Variants in TRMT2B observed in about 807,000 individuals in gnomAD.
The protein encoded by TRMT2B is tRNA methyltransferase 2B, also known as tRNA (uracil-5-)-methyltransferase homolog B.
A neutral mutation model predicts 39.7 loss-of-function variants in TRMT2B; 34 were observed. The observed-to-expected ratio is 0.86, with a 90% confidence interval of 0.65 to 1.14. The LOEUF is 1.14. Ranked by LOEUF, TRMT2B falls within the 50% of genes most tolerant of loss-of-function variation. The probability of loss-of-function intolerance (pLI) is 0.00; values close to 1 mark genes in which losing one functional copy is unlikely to be tolerated. For missense variants in TRMT2B, 318 were observed against 377.2 expected (o/e 0.84, Z 1.30); for synonymous variants, 132 against 137.3 (o/e 0.96, Z 0.27).
At chrX:100,994,266 G>A in the TRMT2B span, among the ~76,000 whole-genome samples, 16 of 111,904 alleles carry the variant, frequency 1.4e-4, no homozygotes, top group African/African-American at 4.2e-4. Context: ...TCTTGAGCCT[G>A]GAGGGCAAAT....
chrX:100,992,575 G>A, the TRMT2B span, among the ~76,000 whole-genome samples: 1 of 109,956 alleles, frequency 9.1e-6, no homozygotes, highest in Non-Finnish European at 1.9e-5. Flanking sequence ...AGTAAGATTC[G>A]GTCTCAAAAA....
the TRMT2B span, among the ~76,000 whole-genome samples, chrX:101,001,544 G>A: frequency 3.6e-5 from 4 of 110,183 alleles, no homozygotes; most frequent in Admixed American, 2.0e-4. Flanking sequence ...CCCGGATCTT[G>A]GTTTCTAAAC....
chrX:101,041,897 G>T, intron 3 of TRMT2B, 145 bp downstream of exon 3: 1 of 635,884 alleles, frequency 1.6e-6, no homozygotes, highest in Non-Finnish European at 2.4e-6. Flanking sequence ...TTCTTCAGAC[G>T]TCCTCAAATT....
At chrX:101,023,329 C>G in intron 8 of TRMT2B, 141 bp downstream of exon 8, 1 of 605,315 alleles carries the variant, frequency 1.7e-6, no homozygotes, top group East Asian at 3.3e-5. Flanking sequence ...TCTCCTCATC[C>G]CTAACCCCTC....
At chrX:101,045,405 G>T (rs2088583445) in intron 2 of TRMT2B, among the ~76,000 whole-genome samples, 1 of 100,269 alleles carries the variant, frequency 1.0e-5, no homozygotes, top group Non-Finnish European at 2.0e-5. Flanking sequence ...GGTGAGCCGA[G>T]ATCACACCAT....
chrX:101,002,687 G>T, the TRMT2B span, among the ~76,000 whole-genome samples: 4 of 108,940 alleles, frequency 3.7e-5, no homozygotes, highest in Admixed American at 9.9e-5. Flanking sequence ...GCTGAGGCAG[G>T]AGAACTGCTT....
rs182743053 is a variant in TRMT2B at position 101,051,036 on chromosome X, C to T, written c.-24+215G>A. Among the ~76,000 whole-genome samples, 87 of 107,534 alleles carry T rather than the reference C, an allele frequency of 8.1e-4. No homozygotes were observed. In the Middle Eastern group the frequency reaches 0.029, roughly 35 times the overall value. The allele number at this position is 107,534 out of a possible 115,157, so 93.4% of individuals were successfully genotyped here. A position where few individuals can be genotyped will look rare whatever the true frequency, so the allele number is the denominator to read the frequency against. On this transcript the variant is annotated intron_variant, in intron 2 of 13. Coordinates refer to ENST00000372936, the MANE Select transcript of TRMT2B (RefSeq NM_024917.6). Reference sequence around the variant, plus strand: ...CAGCCTGGGTGACAAAGCTAGACTCCGTCTCAAACAAATAAAAAATAAAAA... The same window carrying T: ...CAGCCTGGGTGACAAAGCTAGACTCTGTCTCAAACAAATAAAAAATAAAAA...
downstream of TRMT2B, among the ~76,000 whole-genome samples, chrX:101,005,642 C>T (rs1204569948): frequency 3.8e-5 from 4 of 104,951 alleles, no homozygotes; most frequent in East Asian, 3.1e-4. Context: ...TCTGGGAGGC[C>T]GAGGCGGGCA....
chrX:100,984,674 G>A, the TRMT2B span, among the ~76,000 whole-genome samples: 3 of 111,985 alleles, frequency 2.7e-5, no homozygotes, highest in African/African-American at 9.7e-5. Context: ...CCCTCATATA[G>A]CTTACGTTTT....
rs772556544 is a variant in TRMT2B at position 101,042,487 on chromosome X, G to A, written c.-23-175C>T. ...AATTACTGTATGCAAGGTATGTTTC[G>A]GTTCCCAAAATAAAGAGATGAGGAA... On this transcript the variant is annotated intron_variant, in intron 2 of 13. Transcript: ENST00000372936. Among the ~76,000 whole-genome samples, 6 of 112,310 alleles carry A rather than the reference G, an allele frequency of 5.3e-5. No individual in the cohort carries two copies. In the East Asian group the frequency reaches 1.1e-3, roughly 21 times the overall value.
chrX:101,008,930 T>C (rs1187841736), downstream of TRMT2B, among the ~76,000 whole-genome samples: 4 of 111,423 alleles, frequency 3.6e-5, no homozygotes, highest in Non-Finnish European at 7.5e-5. Flanking sequence ...GGCCTAAACC[T>C]TCCCCTCTTC....
the TRMT2B span, chrX:100,987,597 T>A: frequency 8.4e-7 from 1 of 1,188,806 alleles, no homozygotes; most frequent in Non-Finnish European, 1.1e-6. Flanking sequence ...TAAGAAAAGC[T>A]GCAGGGATCA....
intron 7 of TRMT2B, among the ~76,000 whole-genome samples, chrX:101,030,728 G>A (rs2087410640): frequency 9.1e-6 from 1 of 110,291 alleles, no homozygotes; most frequent in Non-Finnish European, 1.9e-5. Flanking sequence ...TTACAGGCGT[G>A]AGCCACCACA....
Position 101,023,606 on chromosome X carries a change from A to G in TRMT2B, c.620T>C (p.Val207Ala), listed in dbSNP as rs770747734. 2.5e-6 allele frequency: 3 copies of G among 1,204,158 alleles called. No homozygotes were observed. The highest frequency in any genetic ancestry group is 4.4e-5 in the Admixed American group (2 of 45,684). The change falls in exon 8 of 14, where the codon GTA (valine) becomes GCA (alanine). Residue 207 changes from valine (V) to alanine (A), a missense_variant. By Grantham distance (64) the Val-to-Ala change is moderately conservative. Coordinates refer to ENST00000372936, the MANE Select transcript of TRMT2B (RefSeq NM_024917.6). ...KHSQVAQYYE[V>A]FLRQSPLEPC... The stretch of plus-strand genomic sequence containing the variant: ...CTCCAATGGAGACTGTCGAAGGAAT[A>G]CTTCATAGTACTAGGAAGAGAACCG...
chrX:101,011,482 A>G (rs151224056), intron 13 of TRMT2B, among the ~76,000 whole-genome samples: 381 of 112,086 alleles, frequency 3.4e-3, no homozygotes, highest in African/African-American at 0.012. Context: ...GTGTGGTAGT[A>G]CATGCCTGTA....
intron 6 of TRMT2B, among the ~76,000 whole-genome samples, chrX:101,036,431 C>T (rs1168791342): frequency 1.2e-5 from 1 of 81,043 alleles, no homozygotes; most frequent in Non-Finnish European, 2.2e-5. Flanking sequence ...GGTGACAGTG[C>T]GAGACTCCAT....
At chrX:101,050,730 TAAAAATA>T (rs1480867353) in intron 2 of TRMT2B, among the ~76,000 whole-genome samples, 2 of 96,698 alleles carry the variant, frequency 2.1e-5, no homozygotes, top group African/African-American at 3.9e-5. Context: ...GTCTCAAAAA[TAAAAATA>T]AAAAATAAAA....
At chrX:101,033,305 A>G (rs1204588924) in intron 7 of TRMT2B, among the ~76,000 whole-genome samples, 2 of 108,429 alleles carry the variant, frequency 1.8e-5, no homozygotes, top group Admixed American at 2.0e-4. Context: ...TTTACAGAAA[A>G]TGAAGGAGGC....
the TRMT2B span, among the ~76,000 whole-genome samples, chrX:101,003,043 T>A: frequency 9.5e-6 from 1 of 105,615 alleles, no homozygotes; most frequent in Admixed American, 1.0e-4. Context: ...GACCCCCAAG[T>A]AGTTGAAAAT....
Sources: allele counts gnomAD v4.1 joint callset (sites outside exome capture counted in the v4.1 genomes callset), GRCh38; gene constraint gnomAD v4.1.1; transcripts MANE v1.5; gene names NCBI Gene and HGNC (gene_info 2026-07-23, HGNC 2026-07-21).